The following GNG7 variants were observed in gnomAD, a reference collection of about 807,000 sequenced individuals.
The protein encoded by GNG7 is guanine nucleotide-binding protein G(I)/G(S)/G(O) subunit gamma-7.
In GNG7, 1 loss-of-function variant was observed where a neutral mutation model predicts 4.0. The ratio of observed to expected loss-of-function variants is 0.25; its 90% CI spans 0.09 to 1.18. The LOEUF is 1.18. Ranked by LOEUF, GNG7 falls within the 50% of genes most tolerant of loss-of-function variation. The pLI is 0.50. For synonymous variants in GNG7, 34 were observed against 36.9 expected, an observed-to-expected ratio of 0.92 and a Z score of 0.29; for missense variants, 86 against 91.9, an observed-to-expected ratio of 0.94 and a Z score of 0.26.
At chr19:2,516,713 C>T (rs994948268) in intron 4 of GNG7, among the ~76,000 whole-genome samples, 3 of 152,192 alleles carry the variant, frequency 2.0e-5, no homozygotes, top group Non-Finnish European at 2.9e-5. Context: ...GGAGGTTTCA[C>T]GGTGACACCC....
At chr19:2,581,776 A>T (rs1980512388) in intron 2 of GNG7, among the ~76,000 whole-genome samples, 1 of 152,216 alleles carries the variant, frequency 6.6e-6, no homozygotes, top group South Asian at 2.1e-4. Flanking sequence ...TCTACTCAAG[A>T]TAGGCACAAC....
At chr19:2,535,235 T>C (rs1359138684) in intron 3 of GNG7, among the ~76,000 whole-genome samples, 1 of 149,514 alleles carries the variant, frequency 6.7e-6, no homozygotes, top group Non-Finnish European at 1.5e-5. Context: ...ATGCTGGTAG[T>C]CCCAGCACTT....
chr19:2,672,134 T>C (rs1983471528), intron 1 of GNG7, among the ~76,000 whole-genome samples: 1 of 148,502 alleles, frequency 6.7e-6, no homozygotes. Flanking sequence ...GCCTGCCAGG[T>C]TCAAGCAATT....
chr19:2,613,409 G>T (rs537381972), intron 2 of GNG7, among the ~76,000 whole-genome samples: 2 of 152,154 alleles, frequency 1.3e-5, no homozygotes, highest in South Asian at 4.2e-4. Context: ...TATTTGGGGA[G>T]AATGCAATCT....
chr19:2,561,287 G>T (rs569675624), intron 2 of GNG7, among the ~76,000 whole-genome samples: 5 of 152,144 alleles, frequency 3.3e-5, no homozygotes, highest in African/African-American at 9.7e-5. Context: ...ACGACTGGGG[G>T]TGCTCCTGGA....
chr19:2,650,074 A>G (rs1982769503), intron 1 of GNG7, among the ~76,000 whole-genome samples: 1 of 151,868 alleles, frequency 6.6e-6, no homozygotes, highest in Non-Finnish European at 1.5e-5. Context: ...CCTCCTGAGT[A>G]TGGAAGGACG....
chr19:2,583,742 A>G (rs1244228246), intron 2 of GNG7, among the ~76,000 whole-genome samples: 1 of 152,226 alleles, frequency 6.6e-6, no homozygotes, highest in African/African-American at 2.4e-5. Flanking sequence ...GGCTACAGTG[A>G]GCCCTGATGG....
In GNG7 at chr19:2,512,898, T is replaced by C. The variant is rs939818667; in HGVS notation, c.*2124A>G. On this transcript the variant is annotated 3_prime_UTR_variant, in exon 5 of 5. Transcript: ENST00000382159. This position sits in a 1 kb window ranked among gnomAD's most constrained non-coding sequence, Gnocchi z 4.7. ...TTCCTGCCATTCCTGCTATGCGTGGTGGGGACGCCCACACCCCAAACCCTG... is the reference window on the plus strand; with the variant it reads ...TTCCTGCCATTCCTGCTATGCGTGGCGGGGACGCCCACACCCCAAACCCTG... 1.4e-5 allele frequency: 14 copies of C among 985,092 alleles called. No homozygotes were observed. Among genetic ancestry groups the C allele is most frequent in the African/African-American group, 7.0e-5 (4 of 57,212 alleles). 61.0% of individuals were successfully genotyped at this position (985,092 alleles called of 1,614,324 possible). A position where few individuals can be genotyped will look rare whatever the true frequency, so the allele number is the denominator to read the frequency against.
intron 1 of GNG7, among the ~76,000 whole-genome samples, chr19:2,656,247 G>GC (rs1188516008): frequency 2.6e-5 from 4 of 152,184 alleles, no homozygotes; most frequent in African/African-American, 9.7e-5. Flanking sequence ...GAATCTGTCA[G>GC]CCTCATTCAC....
At chr19:2,649,390 A>AATTATTATTATTATTATTATTATT (rs142328153) in intron 1 of GNG7, among the ~76,000 whole-genome samples, 6,424 of 145,748 alleles carry the variant, frequency 0.044, 267 homozygotes, top group African/African-American at 0.096. Context: ...CACCCCTAGG[A>AATTATTATTATTATTATTATTATT]ATTATTATTA....
intron 2 of GNG7, among the ~76,000 whole-genome samples, chr19:2,567,578 G>A (rs1479299132): frequency 2.0e-5 from 3 of 151,932 alleles, no homozygotes; most frequent in Non-Finnish European, 4.4e-5. Context: ...GTCCCACCTC[G>A]GCCTCCCAAA....
chr19:2,564,576 AACAG>A (rs1426048141), intron 2 of GNG7, among the ~76,000 whole-genome samples: 1 of 152,164 alleles, frequency 6.6e-6, no homozygotes, highest in African/African-American at 2.4e-5. Context: ...TCTGTCTCAA[AACAG>A]ACAAACAAAC....
chr19:2,524,904 G>A (rs1227005295), intron 3 of GNG7, among the ~76,000 whole-genome samples: 1 of 152,186 alleles, frequency 6.6e-6, no homozygotes, highest in Middle Eastern at 3.2e-3. Flanking sequence ...GTGTACATGC[G>A]TGTGCGTGTG....
intron 1 of GNG7, among the ~76,000 whole-genome samples, chr19:2,672,162 C>G (rs1014739750): frequency 2.0e-5 from 3 of 150,638 alleles, no homozygotes; most frequent in African/African-American, 7.3e-5. Context: ...CTCAGCCTCC[C>G]GAGTAGCTGG....
At chr19:2,691,844 G>A (rs1913142224) in intron 1 of GNG7, among the ~76,000 whole-genome samples, 1 of 149,580 alleles carries the variant, frequency 6.7e-6, no homozygotes, top group African/African-American at 2.5e-5. Context: ...TCCAGCCTGG[G>A]CAGCAGAGCA....
chr19:2,665,481 CA>C (rs11462973), intron 1 of GNG7, among the ~76,000 whole-genome samples: 9 of 151,136 alleles, frequency 6.0e-5, no homozygotes, highest in Middle Eastern at 6.8e-3. Context: ...CCATGCGGGA[CA>C]AAAAAAAGAA....
chr19:2,618,170 T>C lies in GNG7; in HGVS notation c.-78+28054A>G, dbSNP rs1304574343. Among the ~76,000 whole-genome samples the C allele has an allele frequency of 6.6e-6, 1 of 152,108 alleles. No homozygotes were observed. Among genetic ancestry groups the C allele is most frequent in the Non-Finnish European group, 1.5e-5 (1 of 68,032 alleles). ...TGGCACACAGTGAGTGTCGGGTCAA[T>C]ATTTGCGACTGACCGACGGGTTGGC... is the stretch of plus-strand genomic sequence containing the variant. On this transcript the variant is annotated intron_variant, in intron 2 of 4. Transcript: ENST00000382159. This position sits in a 1 kb window ranked among gnomAD's most constrained non-coding sequence, Gnocchi z 5.1.
chr19:2,543,574 C>G (rs77275322), intron 3 of GNG7, among the ~76,000 whole-genome samples: 6 of 152,044 alleles, frequency 3.9e-5, no homozygotes, highest in Admixed American at 3.3e-4. Context: ...CATTAAAACC[C>G]GTGCAGAGGG....
At chr19:2,579,360 G>C (rs1488952486) in intron 2 of GNG7, among the ~76,000 whole-genome samples, 1 of 152,254 alleles carries the variant, frequency 6.6e-6, no homozygotes, top group Non-Finnish European at 1.5e-5. Context: ...GCGGGCAGGA[G>C]GGCAGGCACC....
Sources: allele counts gnomAD v4.1 joint callset (sites outside exome capture counted in the v4.1 genomes callset), GRCh38; gene constraint gnomAD v4.1.1; non-coding constraint Gnocchi (gnomAD v3.1); transcripts MANE v1.5; gene names NCBI Gene and HGNC (gene_info 2026-07-23, HGNC 2026-07-21).